HSD3B2: variants seen among roughly 807,000 people sequenced by gnomAD.
HSD3B2 encodes hydroxy-delta-5-steroid dehydrogenase, 3 beta- and steroid delta-isomerase 2.
A neutral mutation model predicts 9.9 loss-of-function variants in HSD3B2; 8 were observed. The observed-to-expected ratio is 0.81, with a 90% CI of 0.47 to 1.46. The LOEUF is 1.46. HSD3B2 is among the 40% of genes most tolerant of loss of function. The pLI, the probability that HSD3B2 is intolerant of heterozygous loss-of-function variation, is 0.00. For missense variants in HSD3B2, 410 were observed against 448.3 expected, an observed-to-expected ratio of 0.91 and a Z score of 0.77; for synonymous variants, 221 against 184.5, an observed-to-expected ratio of 1.20 and a Z score of -1.60.
rs2101348940 is a variant in HSD3B2, at chr1:119,421,823, T to C, written c.322T>C (p.Leu108=). ...NVNVKGTQLL[L]EACVQASVPV... ...TTCGTGGGCAGGTACCCAGCTACTG[T>C]TGGAGGCCTGTGTCCAAGCCAGTGT... is the stretch of plus-strand genomic sequence containing the variant. The change falls in exon 4 of 4, where the codon TTG becomes CTG. Residue 108 remains leucine (L), a synonymous_variant. Transcript: ENST00000369416. The C allele has an allele frequency of 6.2e-7, 1 of 1,613,758 alleles. No individual in the cohort carries two copies. The highest frequency in any genetic ancestry group is 8.5e-7 in the Non-Finnish European group (1 of 1,179,830).
intron 3 of HSD3B2, among the ~76,000 whole-genome samples, chr1:119,421,461 ATATGTATATATATATGTAT>A (rs1415065777): frequency 1.1e-4 from 1 of 8,926 alleles, no homozygotes; most frequent in East Asian, 4.2e-3. Context: ...ATGTATATAT[ATATGTATATATATATGTAT>A]ATATATATTT....
At chr1:119,415,687 T>C (rs1006283679) in intron 2 of HSD3B2, 126 bp downstream of exon 2, 2 of 994,860 alleles carry the variant, frequency 2.0e-6, no homozygotes, top group Admixed American at 1.7e-5. Flanking sequence ...ACATCTAAAG[T>C]CATCAGAAAG....
At position 119,422,096 on chromosome 1, in the gene HSD3B2, G is replaced by T; in HGVS notation, c.595G>T (p.Ala199Ser). Residue 199 changes from alanine to serine, a missense_variant, in exon 4 of 4, where the codon GCC (alanine) becomes TCC (serine). Physicochemically the swap from Ala to Ser is moderately conservative, Grantham distance 99. Coordinates refer to ENST00000369416, the MANE Select transcript of HSD3B2 (RefSeq NM_000198.4). ...IYGEGGPFLS[A>S]SINEALNNNG... ...TGGGGAAGGAGGCCCATTCCTTTCT[G>T]CCAGTATAAATGAGGCCCTGAACAA... is the stretch of plus-strand genomic sequence containing the variant. The T allele has an allele frequency of 6.2e-7, 1 of 1,614,072 alleles. No homozygotes were observed. Among genetic ancestry groups the T allele is most frequent in the African/African-American group, 1.3e-5 (1 of 75,022 alleles).
At chr1:119,419,321 C>G in intron 2 of HSD3B2, 97 bp from the exon 3 acceptor site, 1 of 1,167,472 alleles carries the variant, frequency 8.6e-7, no homozygotes, top group Non-Finnish European at 1.3e-6. Flanking sequence ...TACCCACACT[C>G]TAATCTCTTT....
rs1010445855 is a variant in HSD3B2 at position 119,422,542 on chromosome 1, A to G, written c.1041A>G (p.Glu347=). Residue 347 remains glutamate, a synonymous_variant, in exon 4 of 4, where the codon GAA becomes GAG. Transcript: ENST00000369416. ...ATAAGCCACTCTACAGCTGGGAGGA[A>G]GCCAAGCAGAAAACCGTGGAGTGGG... is the stretch of plus-strand genomic sequence containing the variant. ...LAYKPLYSWE[E]AKQKTVEWVG... 1 of 1,614,116 alleles carries G rather than the reference A, an allele frequency of 6.2e-7. No homozygotes were observed.
intron 3 of HSD3B2, chr1:119,419,904 C>G: frequency 2.8e-6 from 1 of 360,766 alleles, no homozygotes. Flanking sequence ...CAAAAGTCAA[C>G]TAAACTCCAA....
Position 119,415,358 on chromosome 1 carries a change from A to G in HSD3B2, c.-62A>G. On this transcript the variant is annotated 5_prime_UTR_variant, in exon 2 of 4. Coordinates refer to ENST00000369416, the MANE Select transcript of HSD3B2 (RefSeq NM_000198.4). ...CTCTTCTGGGTCACGCTAGAATCAG[A>G]TCTGCTCTCCAGCATCTTCTGTTTC... 2 of 1,579,420 alleles carry G rather than the reference A, an allele frequency of 1.3e-6. No individual in the cohort carries two copies. Among genetic ancestry groups the G allele is most frequent in the Non-Finnish European group, 1.7e-6 (2 of 1,150,022 alleles).
chr1:119,421,417 GTATATATATGTA>G (rs879329558), intron 3 of HSD3B2, among the ~76,000 whole-genome samples: 52,981 of 89,486 alleles, frequency 0.59, 14,079 homozygotes, highest in Admixed American at 0.64. Context: ...ATATATATAT[GTATATATATGTA>G]TATATATATA....
intron 2 of HSD3B2, among the ~76,000 whole-genome samples, chr1:119,419,128 C>T (rs994851533): frequency 1.3e-5 from 2 of 152,162 alleles, no homozygotes; most frequent in African/African-American, 4.8e-5. Flanking sequence ...GTGAGTCTCC[C>T]ATGACTCTAG....
At chr1:119,418,287 C>T (rs1651763021) in intron 2 of HSD3B2, among the ~76,000 whole-genome samples, 2 of 152,140 alleles carry the variant, frequency 1.3e-5, no homozygotes, top group Non-Finnish European at 2.9e-5. Flanking sequence ...CATTTAAGCC[C>T]ATCTGCAATT....
intron 2 of HSD3B2, among the ~76,000 whole-genome samples, chr1:119,418,291 T>C (rs1651763173): frequency 1.3e-5 from 2 of 152,230 alleles, no homozygotes; most frequent in Non-Finnish European, 2.9e-5. Flanking sequence ...TAAGCCCATC[T>C]GCAATTCCTG....
At chr1:119,416,183 G>C (rs976781697) in intron 2 of HSD3B2, among the ~76,000 whole-genome samples, 1 of 152,102 alleles carries the variant, frequency 6.6e-6, no homozygotes, top group African/African-American at 2.4e-5. Flanking sequence ...GTGAAAGTGA[G>C]AGAGATCATC....
intron 3 of HSD3B2, 68 bp downstream of exon 3, chr1:119,419,650 G>C (rs952523311): frequency 1.3e-6 from 2 of 1,485,666 alleles, no homozygotes; most frequent in Admixed American, 1.7e-5. Context: ...GACAAGAAAG[G>C]GAAGAGAAGT....
At chr1:119,417,603 G>A (rs1380039003) in intron 2 of HSD3B2, 1 of 152,202 alleles carries the variant, frequency 6.6e-6, no homozygotes, top group Non-Finnish European at 1.5e-5. Flanking sequence ...CCTTCTTGGA[G>A]TTGCCTGACA....
chr1:119,422,223 A>G lies in HSD3B2; in HGVS notation c.722A>G (p.Asp241Gly), dbSNP rs1348374938. The change falls in exon 4 of 4, where the codon GAC (aspartate) becomes GGC (glycine). Residue 241 changes from aspartate (D) to glycine (G), a missense_variant. Transcript: ENST00000369416. The part of the protein sequence containing the change: ...AHILALRALR[D>G]PKKAPSVRGQ... ...ATTCTGGCCTTGAGGGCTCTGCGGG[A>G]CCCCAAGAAGGCCCCAAGTGTCCGA... 6.2e-7 allele frequency: 1 copy of G among 1,613,960 alleles called. No homozygotes were observed. The highest frequency in any genetic ancestry group is 1.7e-5 in the Admixed American group (1 of 60,002).
chr1:119,422,966 T>C lies in HSD3B2; in HGVS notation c.*346T>C. ...CTTAAATGAGAAAGCATTTCTTTTC[T>C]CTTTAATCTCCTATTCCTTCACACA... On this transcript the variant is annotated 3_prime_UTR_variant, in exon 4 of 4. Transcript: ENST00000369416. 2.3e-6 allele frequency: 1 copy of C among 440,168 alleles called. No homozygotes were observed. 27.3% of individuals were successfully genotyped at this position (440,168 alleles called of 1,614,324 possible). A position where few individuals can be genotyped will look rare whatever the true frequency, so the allele number is the denominator to read the frequency against.
At chr1:119,418,298 C>T (rs1315274973) in intron 2 of HSD3B2, among the ~76,000 whole-genome samples, 1 of 152,174 alleles carries the variant, frequency 6.6e-6, no homozygotes, top group Non-Finnish European at 1.5e-5. Flanking sequence ...ATCTGCAATT[C>T]CTGAGTAATG....
chr1:119,417,072 A>G (rs148355233), intron 2 of HSD3B2, among the ~76,000 whole-genome samples: 1 of 152,286 alleles, frequency 6.6e-6, no homozygotes, highest in Non-Finnish European at 1.5e-5. Flanking sequence ...GATGGGTAAT[A>G]CTATTATCCT....
At chr1:119,419,843 C>A (rs1651811665) in intron 3 of HSD3B2, 1 of 463,096 alleles carries the variant, frequency 2.2e-6, no homozygotes, top group Non-Finnish European at 4.0e-6. Context: ...TTTAAACTCA[C>A]TCCTGTGTGA....
Sources: allele counts gnomAD v4.1 joint callset (sites outside exome capture counted in the v4.1 genomes callset), GRCh38; gene constraint gnomAD v4.1.1; transcripts MANE v1.5; gene names NCBI Gene and HGNC (gene_info 2026-07-23, HGNC 2026-07-21).